Variants in NRG1 observed in about 807,000 individuals in gnomAD.
The protein encoded by NRG1 is neuregulin 1, also known as pro-neuregulin-1, membrane-bound isoform.
In NRG1, 18 loss-of-function variants were observed where a neutral mutation model predicts 63.8. That is an observed-to-expected ratio of 0.28 (90% confidence interval 0.19 to 0.42). The LOEUF is 0.42. Among genes scored for constraint, NRG1 ranks in the 10% least tolerant of loss-of-function variants. The pLI is 1.00. For missense variants in NRG1, 762 were observed against 814.7 expected (o/e 0.94, Z 0.79); for synonymous variants, 302 against 301.3 (o/e 1.00, Z -0.02).
At chr8:32,647,436 T>C (rs1853852699) in intron 5 of NRG1, 1 of 985,274 alleles carries the variant, frequency 1.0e-6, no homozygotes. Flanking sequence ...CCCTGTCCTC[T>C]TGACGAGCCC....
At chr8:32,006,718 A>G (rs970297255) in intron 1 of NRG1, among the ~76,000 whole-genome samples, 1 of 152,020 alleles carries the variant, frequency 6.6e-6, no homozygotes, top group Non-Finnish European at 1.5e-5. Context: ...TCAGACCTAG[A>G]GCCACAAAGA....
At chr8:32,297,200 A>AAATTT (rs1284306482) in intron 1 of NRG1, among the ~76,000 whole-genome samples, 1 of 152,106 alleles carries the variant, frequency 6.6e-6, no homozygotes, top group African/African-American at 2.4e-5. Context: ...TTTAATTTAA[A>AAATTT]AATTTCTAGA....
rs114366571 is a variant in NRG1, at chr8:31,998,482, T to C, written c.37+359051T>C. On this transcript the variant is annotated intron_variant, in intron 1 of 10. Transcript: ENST00000519301. ...GAAATCAAGGAAGGTTTAATAAAAG[T>C]AGTAACATTAGAGCTAATCTTTGGG... Among the ~76,000 whole-genome samples, 180 of 152,100 alleles carry C rather than the reference T, an allele frequency of 1.2e-3. 1 individual carries two copies. Among genetic ancestry groups the C allele is most frequent in the African/African-American group, 4.1e-3 (169 of 41,540 alleles).
At chr8:32,248,879 A>G (rs539461914) in intron 1 of NRG1, among the ~76,000 whole-genome samples, 2 of 152,202 alleles carry the variant, frequency 1.3e-5, no homozygotes, top group African/African-American at 4.8e-5. Context: ...ATTGATTATC[A>G]AAATAATAAT....
chr8:32,142,628 A>G (rs1282623762), intron 1 of NRG1, among the ~76,000 whole-genome samples: 1 of 152,164 alleles, frequency 6.6e-6, no homozygotes, highest in African/African-American at 2.4e-5. Context: ...CTCAAATGCT[A>G]TTGAGAACCA....
intron 5 of NRG1, among the ~76,000 whole-genome samples, chr8:32,694,523 T>C (rs1291365338): frequency 6.6e-6 from 1 of 152,242 alleles, no homozygotes; most frequent in Non-Finnish European, 1.5e-5. Context: ...CTTTTGAGCA[T>C]GACTAATAAT....
At chr8:32,277,442 C>T (rs1349500331) in intron 1 of NRG1, among the ~76,000 whole-genome samples, 1 of 152,136 alleles carries the variant, frequency 6.6e-6, no homozygotes, top group African/African-American at 2.4e-5. Flanking sequence ...GTCTTGAATT[C>T]CCTAGCTAAG....
chr8:32,235,465 C>T (rs947436471), intron 1 of NRG1, among the ~76,000 whole-genome samples: 1 of 152,014 alleles, frequency 6.6e-6, no homozygotes, highest in Admixed American at 6.6e-5. Flanking sequence ...CTAACAGAGT[C>T]TCCATATCAG....
chr8:32,166,604 G>C (rs185501246), intron 1 of NRG1, among the ~76,000 whole-genome samples: 58 of 152,270 alleles, frequency 3.8e-4, no homozygotes, highest in African/African-American at 1.3e-3. Flanking sequence ...ATTTTCACCT[G>C]GAGTGACGAA....
At chr8:32,395,160 A>G (rs1216349036) in intron 1 of NRG1, among the ~76,000 whole-genome samples, 2 of 152,174 alleles carry the variant, frequency 1.3e-5, no homozygotes, top group African/African-American at 4.8e-5. Flanking sequence ...TGGATAATGC[A>G]GCCTGAGTGA....
chr8:31,984,071 T>C (rs1809620450), intron 1 of NRG1, among the ~76,000 whole-genome samples: 1 of 152,084 alleles, frequency 6.6e-6, no homozygotes, highest in African/African-American at 2.4e-5. Context: ...CAGCTTTAAA[T>C]CCATGTGTCT....
intron 1 of NRG1, among the ~76,000 whole-genome samples, chr8:32,232,761 T>A (rs1847093181): frequency 6.6e-6 from 1 of 152,200 alleles, no homozygotes; most frequent in African/African-American, 2.4e-5. Flanking sequence ...ATATCCCATT[T>A]GAAGATATTG....
chr8:32,423,339 A>C (rs867836141), intron 1 of NRG1, among the ~76,000 whole-genome samples: 7 of 152,216 alleles, frequency 4.6e-5, no homozygotes, highest in Admixed American at 1.3e-4. Context: ...GATTATTTCA[A>C]GATTTATAAG....
intron 1 of NRG1, among the ~76,000 whole-genome samples, chr8:32,176,508 A>G (rs962471221): frequency 6.6e-6 from 1 of 152,248 alleles, no homozygotes; most frequent in Non-Finnish European, 1.5e-5. Context: ...GCTTCTGCAC[A>G]GCAAAAGAAA....
chr8:31,871,268 C>T (rs1829458742), intron 1 of NRG1, among the ~76,000 whole-genome samples: 2 of 152,114 alleles, frequency 1.3e-5, no homozygotes, highest in Admixed American at 1.3e-4. Context: ...AGCTACTGTG[C>T]CCGTCCTTGT....
At chr8:31,714,340 G>T (rs999339343) in intron 1 of NRG1, among the ~76,000 whole-genome samples, 2 of 151,678 alleles carry the variant, frequency 1.3e-5, no homozygotes, top group South Asian at 2.1e-4. Flanking sequence ...GATTTTTTTT[G>T]TATTGGTGGT....
intron 1 of NRG1, among the ~76,000 whole-genome samples, chr8:31,819,217 G>C: frequency 6.6e-6 from 1 of 152,162 alleles, no homozygotes. Context: ...TCCAGCCTGG[G>C]TGACAGAGCA....
chr8:32,425,311 C>T (rs1817223080), intron 1 of NRG1, among the ~76,000 whole-genome samples: 1 of 152,232 alleles, frequency 6.6e-6, no homozygotes, highest in Middle Eastern at 3.4e-3. Context: ...TAGTAGAGTC[C>T]TATTTAGAAA....
At chr8:32,235,942 G>A (rs892059114) in intron 1 of NRG1, among the ~76,000 whole-genome samples, 8 of 152,128 alleles carry the variant, frequency 5.3e-5, no homozygotes, top group East Asian at 1.9e-4. Flanking sequence ...TTTGATGACC[G>A]TTGACATCAA....
Sources: allele counts gnomAD v4.1 joint callset (sites outside exome capture counted in the v4.1 genomes callset), GRCh38; gene constraint gnomAD v4.1.1; transcripts MANE v1.5; gene names NCBI Gene and HGNC (gene_info 2026-07-23, HGNC 2026-07-21).